Variants in HMCN1 observed in about 807,000 individuals in gnomAD.
The protein encoded by HMCN1 is hemicentin-1.
Under a neutral mutation model 625.9 loss-of-function variants are expected in HMCN1, and 321 were observed. The ratio of observed to expected loss-of-function variants is 0.51; its 90% CI spans 0.47 to 0.56. The LOEUF (loss-of-function observed/expected upper bound fraction) is 0.56, where lower values mean the gene tolerates loss of function less well. HMCN1 is among the 20% of genes least tolerant of loss of function. HMCN1 has a pLI of 0.00. For missense variants in HMCN1, 6,588 were observed against 6,887.3 expected (o/e 0.96, Z 1.54); for synonymous variants, 2,425 against 2,417.6 (o/e 1.00, Z -0.09).
intron 36 of HMCN1, among the ~76,000 whole-genome samples, chr1:186,030,173 T>C (rs946667147): frequency 3.9e-5 from 6 of 152,144 alleles, no homozygotes; most frequent in African/African-American, 1.4e-4. Context: ...TTGAGAAGAA[T>C]GTGTTTTCTG....
chr1:186,074,470 A>G (rs913073732), intron 52 of HMCN1, among the ~76,000 whole-genome samples: 6 of 152,104 alleles, frequency 3.9e-5, no homozygotes, highest in Non-Finnish European at 7.4e-5. Context: ...ACATATATTT[A>G]TCATAAAAAT....
chr1:185,868,068 A>G (rs1663380861), intron 4 of HMCN1, among the ~76,000 whole-genome samples: 1 of 145,800 alleles, frequency 6.9e-6, no homozygotes, highest in Admixed American at 6.9e-5. Context: ...GACTCCATCT[A>G]AAAAAAAAAA....
At chr1:186,053,183 ACTAAATG>A (rs1354053486) in intron 43 of HMCN1, 109 bp downstream of exon 43, 1 of 1,020,910 alleles carries the variant, frequency 9.8e-7, no homozygotes, top group Non-Finnish European at 1.5e-6. Flanking sequence ...GGGTTTGCAT[ACTAAATG>A]CTAGACAGCA....
chr1:186,082,654 A>G (rs1659235779), intron 56 of HMCN1, among the ~76,000 whole-genome samples: 1 of 152,184 alleles, frequency 6.6e-6, no homozygotes, highest in African/African-American at 2.4e-5. Flanking sequence ...TACCACAAAT[A>G]TGTATAGAAT....
At chr1:186,009,918 G>A (rs1028852843) in intron 30 of HMCN1, among the ~76,000 whole-genome samples, 3 of 152,102 alleles carry the variant, frequency 2.0e-5, no homozygotes, top group African/African-American at 7.2e-5. Flanking sequence ...TTTGTGGAAC[G>A]AAACTGTTCC....
intron 100 of HMCN1, 22 bp from the exon 101 acceptor site, chr1:186,171,315 A>C: frequency 1.3e-6 from 2 of 1,544,308 alleles, no homozygotes; most frequent in African/African-American, 1.4e-5. Flanking sequence ...GCATATAATG[A>C]AAGTTTTGTT....
chr1:186,021,441 A>G (rs989157808), intron 35 of HMCN1, among the ~76,000 whole-genome samples: 1 of 152,112 alleles, frequency 6.6e-6, no homozygotes, highest in African/African-American at 2.4e-5. Context: ...GGCTGGACAT[A>G]TTGGCACATT....
chr1:185,966,230 G>C (rs1014775668), intron 14 of HMCN1, among the ~76,000 whole-genome samples: 34 of 152,072 alleles, frequency 2.2e-4, no homozygotes, highest in African/African-American at 8.2e-4. Context: ...GTTTAAAATA[G>C]CTCCGCTGAT....
chr1:186,095,219 T>G (rs1218685420), intron 67 of HMCN1, 24 bp from the exon 68 acceptor site: 1 of 1,612,584 alleles, frequency 6.2e-7, no homozygotes, highest in Non-Finnish European at 8.5e-7. Flanking sequence ...CATCCAAATT[T>G]TGCCCATGTT....
At chr1:185,883,879 ATTTTTTT>A (rs1205211897) in intron 4 of HMCN1, among the ~76,000 whole-genome samples, 21 of 55,950 alleles carry the variant, frequency 3.8e-4, no homozygotes, top group African/African-American at 9.1e-4. Context: ...ATAGGTCATG[ATTTTTTT>A]TTTTTTTTTT....
chr1:185,820,627 C>T (rs1660127350), intron 1 of HMCN1, among the ~76,000 whole-genome samples: 1 of 152,042 alleles, frequency 6.6e-6, no homozygotes, highest in Admixed American at 6.6e-5. Context: ...TTTAAACAGT[C>T]TAAAATATAT....
intron 1 of HMCN1, among the ~76,000 whole-genome samples, chr1:185,824,875 A>C (rs1256323877): frequency 2.0e-5 from 3 of 152,152 alleles, no homozygotes; most frequent in African/African-American, 7.2e-5. Flanking sequence ...TTGTTAAAAC[A>C]CTAAAATAGT....
At chr1:186,161,149 G>C (rs1402678778) in intron 97 of HMCN1, among the ~76,000 whole-genome samples, 1 of 151,056 alleles carries the variant, frequency 6.6e-6, no homozygotes, top group African/African-American at 2.4e-5. Flanking sequence ...TCTTCTTGTT[G>C]AATTGATCCC....
rs990693012 is a variant in HMCN1, at chr1:186,123,202, A to T, written c.12481A>T (p.Thr4161Ser). The T allele has an allele frequency of 6.2e-7, 1 of 1,613,678 alleles. No individual in the cohort carries two copies. The highest frequency in any genetic ancestry group is 8.5e-7 in the Non-Finnish European group (1 of 1,179,856). Residue 4161 changes from threonine to serine, a missense_variant, in exon 81 of 107, where the codon ACC becomes TCC. Physicochemically the swap from Thr to Ser is moderately conservative, Grantham distance 58. This residue lies in a region of HMCN1 where 1,954 missense variants were observed against 2,013.1 expected (regional missense o/e 0.97). Transcript: ENST00000271588. ...TGTAGCAGGATCAAGCAGCACAAGCACCAAGCTCACCGTCCATGGTAGGTT... is the reference window on the plus strand; with the variant it reads ...TGTAGCAGGATCAAGCAGCACAAGCTCCAAGCTCACCGTCCATGGTAGGTT... ...ANVAGSSSTS[T>S]KLTVHVPPRI...
At chr1:185,913,478 C>T (rs1234142002) in intron 6 of HMCN1, among the ~76,000 whole-genome samples, 1 of 152,088 alleles carries the variant, frequency 6.6e-6, no homozygotes, top group Non-Finnish European at 1.5e-5. Context: ...TCTCTTCATC[C>T]CTCAAATACT....
At position 186,087,506 on chromosome 1, in the gene HMCN1, C is replaced by T. The variant is rs552289093; in HGVS notation, c.9224C>T (p.Thr3075Ile). The change falls in exon 60 of 107, where the codon ACT (threonine) becomes ATT (isoleucine). Residue 3075 changes from threonine to isoleucine, a missense_variant. Physicochemically the swap from Thr to Ile is moderately conservative, Grantham distance 89 (BLOSUM62 -1). Coordinates refer to ENST00000271588, the MANE Select transcript of HMCN1 (RefSeq NM_031935.3). Reference sequence around the variant, plus strand: ...TCTGTAGTTAATGTAAGAGAGGGAACTTCTGTGTCTTTGGAGTGTGAGTCG... The same window carrying T: ...TCTGTAGTTAATGTAAGAGAGGGAATTTCTGTGTCTTTGGAGTGTGAGTCG... ...SLSVVNVREG[T>I]SVSLECESNA... The T allele has an allele frequency of 5.6e-6, 9 of 1,613,312 alleles. No individual in the cohort carries two copies. In the South Asian group the frequency reaches 6.6e-5, roughly 12 times the overall value.
intron 67 of HMCN1, 42 bp downstream of exon 67, chr1:186,094,415 G>C (rs1393017052): frequency 1.4e-6 from 2 of 1,417,272 alleles, no homozygotes; most frequent in Middle Eastern, 3.5e-4. Flanking sequence ...GCTATGTCAA[G>C]TATTAAGCAA....
At position 186,144,698 on chromosome 1, in the gene HMCN1, G is replaced by A; in HGVS notation, c.14261G>A (p.Cys4754Tyr). 6.2e-7 allele frequency: 1 copy of A among 1,614,064 alleles called. No homozygotes were observed. Among genetic ancestry groups the A allele is most frequent in the Non-Finnish European group, 8.5e-7 (1 of 1,179,956 alleles). ...VQSDFCNSDP[C>Y]PTHGNWSPWS... Reference sequence around the variant, plus strand: ...AGTGATTTTTGCAACAGTGACCCTTGCCCAAGTGAGTGTTGGAAATAGTGA... The same window carrying A: ...AGTGATTTTTGCAACAGTGACCCTTACCCAAGTGAGTGTTGGAAATAGTGA... Residue 4754 changes from cysteine (C) to tyrosine (Y), a missense_variant, in exon 91 of 107, where the codon TGC (cysteine) becomes TAC (tyrosine). This residue lies in a region of HMCN1 where 1,954 missense variants were observed against 2,013.1 expected (regional missense o/e 0.97). Coordinates refer to ENST00000271588, the MANE Select transcript of HMCN1 (RefSeq NM_031935.3).
chr1:186,184,903 A>G (rs1653184425), intron 105 of HMCN1, among the ~76,000 whole-genome samples: 1 of 152,198 alleles, frequency 6.6e-6, no homozygotes, highest in Non-Finnish European at 1.5e-5. Flanking sequence ...AACAGAAGAC[A>G]ACACAATTTC....
Sources: gnomAD v4.1 joint callset for allele counts (sites outside exome capture counted in the v4.1 genomes callset) on GRCh38, gnomAD v4.1.1 for gene constraint, gnomAD v4.1.1 regional missense constraint, MANE v1.5 for transcripts, NCBI Gene and HGNC (gene_info 2026-07-23, HGNC 2026-07-21) for gene names.